PRSS23: variants seen among roughly 807,000 people sequenced by gnomAD.
The protein encoded by PRSS23 is serine protease 23, also known as protease, serine 23.
In PRSS23, 25 loss-of-function variants were observed where a neutral mutation model predicts 34.7. That is an observed-to-expected ratio of 0.72 (90% CI 0.53 to 1.01). PRSS23 has a LOEUF of 1.01. Among genes scored for constraint, PRSS23 ranks in the 50% least tolerant of loss-of-function variants. PRSS23 has a pLI of 0.00. For missense variants in PRSS23, 445 were observed against 475.6 expected (o/e 0.94, Z 0.60); for synonymous variants, 176 against 186.6 (o/e 0.94, Z 0.46).
chr11:86,854,140 A>C (rs1948551927), intron 2 of PRSS23, among the ~76,000 whole-genome samples: 1 of 152,166 alleles, frequency 6.6e-6, no homozygotes, highest in Non-Finnish European at 1.5e-5. Flanking sequence ...AGCTGGGACT[A>C]TAGGCATCTG....
intron 2 of PRSS23, among the ~76,000 whole-genome samples, chr11:86,878,992 G>T: frequency 8.0e-6 from 1 of 125,656 alleles, no homozygotes; most frequent in African/African-American, 3.1e-5. Context: ...GTCTCTGCCC[G>T]GCCGCCATCC....
intron 1 of PRSS23, among the ~76,000 whole-genome samples, chr11:86,819,580 G>A (rs1048624333): frequency 2.0e-5 from 3 of 152,024 alleles, no homozygotes; most frequent in Admixed American, 6.5e-5. Flanking sequence ...TGGGGGTTGG[G>A]GAACAGTAAT....
At chr11:86,896,641 CTA>C (rs375063143) in intron 2 of PRSS23, 8 of 152,340 alleles carry the variant, frequency 5.3e-5, no homozygotes, top group African/African-American at 1.9e-4. Context: ...CCAGACAAAG[CTA>C]TGTTTTTCTG....
At chr11:86,826,283 G>A (rs1378566563) in intron 2 of PRSS23, among the ~76,000 whole-genome samples, 1 of 151,516 alleles carries the variant, frequency 6.6e-6, no homozygotes, top group Non-Finnish European at 1.5e-5. Context: ...TCATGATTTG[G>A]CTCTCTGTTT....
At chr11:86,826,954 C>G (rs1948306607) in intron 2 of PRSS23, among the ~76,000 whole-genome samples, 1 of 152,008 alleles carries the variant, frequency 6.6e-6, no homozygotes, top group African/African-American at 2.4e-5. Flanking sequence ...CTAAAATTCT[C>G]TTTTTTGGTT....
At chr11:86,944,882 T>C (rs773781783) in intron 2 of PRSS23, among the ~76,000 whole-genome samples, 58 of 152,158 alleles carry the variant, frequency 3.8e-4, no homozygotes, top group Non-Finnish European at 7.4e-4. Context: ...CAATGGGCTT[T>C]TTACTCACAC....
chr11:86,833,105 C>G (rs1430250445), intron 2 of PRSS23: 1 of 629,356 alleles, frequency 1.6e-6, no homozygotes, highest in East Asian at 3.3e-5. Context: ...CATAGGCCCT[C>G]ACACTCAGGA....
At position 86,939,393 on chromosome 11, in the gene PRSS23, T is replaced by TAAAAAAAAAA. The variant is rs778076028; in HGVS notation, c.207-11821_207-11812dup. On this transcript the variant is annotated intron_variant, in intron 2 of 2. Transcript: ENST00000533902. ...TTTTCCAGTGTTCCTATTTCTCAGT[T>TAAAAAAAAAA]AAAAAAAAAAATATATATATATATA... Among the ~76,000 whole-genome samples, 168 of 83,874 alleles carry TAAAAAAAAAA rather than the reference T, an allele frequency of 2.0e-3. 1 individual carries two copies. The highest frequency in any genetic ancestry group is 2.9e-3 in the African/African-American group (81 of 27,906). The allele number at this position is 83,874 out of a possible 152,430, so 55.0% of individuals were successfully genotyped here. A position where few individuals can be genotyped will look rare whatever the true frequency, so the allele number is the denominator to read the frequency against.
Position 86,822,758 on chromosome 11 carries a change from G to C in PRSS23, c.-11-619G>C, listed in dbSNP as rs377542956. ...GGATGGGGCCACCTCTGGGAGCAGA[G>C]AGACATGGGCTGGAGGTGATTCTGT... On this transcript the variant is annotated intron_variant, in intron 1 of 2. Transcript: ENST00000533902. Among the ~76,000 whole-genome samples the C allele has an allele frequency of 2.0e-5, 3 of 152,236 alleles. No individual in the cohort carries two copies. In the East Asian group the frequency reaches 5.8e-4, roughly 29 times the overall value.
exon 1 of PRSS23, chr11:86,791,117 C>T (rs1358390219): frequency 2.0e-5 from 3 of 152,380 alleles, no homozygotes; most frequent in Non-Finnish European, 2.9e-5. Flanking sequence ...CTCACCCTTC[C>T]TCCAGGAGCA....
intron 2 of PRSS23, among the ~76,000 whole-genome samples, chr11:86,894,407 A>T (rs1351807175): frequency 6.6e-6 from 1 of 152,214 alleles, no homozygotes; most frequent in East Asian, 1.9e-4. Context: ...AATGAATGTT[A>T]GAGGTAACCT....
chr11:86,861,508 C>T (rs1041221966), intron 2 of PRSS23, among the ~76,000 whole-genome samples: 5 of 151,784 alleles, frequency 3.3e-5, no homozygotes, highest in African/African-American at 7.3e-5. Context: ...AAGGTGTACA[C>T]GCCCTTGTGA....
At chr11:86,835,190 T>C (rs1051447745) in intron 2 of PRSS23, among the ~76,000 whole-genome samples, 1 of 152,236 alleles carries the variant, frequency 6.6e-6, no homozygotes, top group Non-Finnish European at 1.5e-5. Flanking sequence ...AAGTCTCCTT[T>C]AGCAGTGAGT....
In PRSS23 at chr11:86,903,897, G is replaced by A. The variant is rs182878805; in HGVS notation, c.207-47319G>A. Among the ~76,000 whole-genome samples the A allele has an allele frequency of 1.8e-4, 27 of 152,312 alleles. No individual in the cohort carries two copies. The East Asian group carries it at 5.0e-3, about 28-fold the overall frequency. On this transcript the variant is annotated intron_variant, in intron 2 of 2. Coordinates refer to the PRSS23 transcript ENST00000533902. ...TGATCTTGAAGTGAGGATTAAGATAGATAAAGTGTGTAAACCACCTGGTGT... is the reference window on the plus strand; with the variant it reads ...TGATCTTGAAGTGAGGATTAAGATAAATAAAGTGTGTAAACCACCTGGTGT...
At chr11:86,902,522 T>G (rs956941049) in intron 2 of PRSS23, among the ~76,000 whole-genome samples, 1 of 152,184 alleles carries the variant, frequency 6.6e-6, no homozygotes, top group Non-Finnish European at 1.5e-5. Context: ...TAAAGAGAGA[T>G]GCCCTAGAAA....
chr11:86,937,478 G>A (rs535900340), intron 2 of PRSS23: 9 of 152,286 alleles, frequency 5.9e-5, no homozygotes, highest in Admixed American at 5.9e-4. Context: ...GTCACAGGAT[G>A]AGATAGGAGG....
At chr11:86,855,371 C>G (rs75366261) in intron 2 of PRSS23, among the ~76,000 whole-genome samples, 3 of 152,112 alleles carry the variant, frequency 2.0e-5, no homozygotes, top group East Asian at 1.9e-4. Context: ...GTCAAACAGT[C>G]GAACTCATTT....
At chr11:86,918,240 C>T (rs1746976201) in intron 2 of PRSS23, among the ~76,000 whole-genome samples, 1 of 152,142 alleles carries the variant, frequency 6.6e-6, no homozygotes, top group African/African-American at 2.4e-5. Context: ...GAAGCTTGGG[C>T]AGGGAACACA....
chr11:86,801,264 GTTC>G (rs1303718612), intron 1 of PRSS23, among the ~76,000 whole-genome samples: 8 of 152,180 alleles, frequency 5.3e-5, no homozygotes, highest in African/African-American at 1.7e-4. Context: ...TAAGCAAATA[GTTC>G]TTCTGCCTGT....
Sources: gnomAD v4.1 joint callset for allele counts (sites outside exome capture counted in the v4.1 genomes callset) on GRCh38, gnomAD v4.1.1 for gene constraint, MANE v1.5 for transcripts, NCBI Gene and HGNC (gene_info 2026-07-23, HGNC 2026-07-21) for gene names.